Variants in RABGAP1L observed in about 807,000 individuals in gnomAD.
The protein encoded by RABGAP1L is rab GTPase-activating protein 1-like.
RABGAP1L carries 63 observed loss-of-function variants against 137.7 expected under a neutral mutation model. That is an observed-to-expected ratio of 0.46 (90% CI 0.37 to 0.56). The LOEUF (loss-of-function observed/expected upper bound fraction) is 0.56. Among genes scored for constraint, RABGAP1L ranks in the 20% least tolerant of loss-of-function variants. RABGAP1L has a pLI of 0.00. For missense variants in RABGAP1L, 1,095 were observed against 1,244.0 expected, an observed-to-expected ratio of 0.88 and a Z score of 1.80; for synonymous variants, 431 against 433.7, an observed-to-expected ratio of 0.99 and a Z score of 0.08.
intron 13 of RABGAP1L, among the ~76,000 whole-genome samples, chr1:174,419,501 A>G (rs4652422): frequency 0.35 from 53,169 of 151,764 alleles, 11,853 homozygotes; most frequent in African/African-American, 0.63. Flanking sequence ...AATGTACACT[A>G]TATCTTACTA....
At chr1:174,772,863 C>T (rs1037125491) in intron 18 of RABGAP1L, among the ~76,000 whole-genome samples, 1 of 152,096 alleles carries the variant, frequency 6.6e-6, no homozygotes, top group Non-Finnish European at 1.5e-5. Context: ...GCATATTTCA[C>T]TTAGCATAGT....
chr1:174,233,121 T>C (rs904141795), intron 4 of RABGAP1L, among the ~76,000 whole-genome samples: 3 of 152,178 alleles, frequency 2.0e-5, no homozygotes, highest in Admixed American at 2.0e-4. Context: ...GTTTCTTTTA[T>C]AAGGATACTA....
intron 13 of RABGAP1L, among the ~76,000 whole-genome samples, chr1:174,568,995 A>T (rs777748538): frequency 6.6e-6 from 1 of 152,306 alleles, no homozygotes; most frequent in East Asian, 1.9e-4. Flanking sequence ...GATTACTACC[A>T]TTTCATGTTC....
chr1:174,988,169 T>C (rs543424580), intron 24 of RABGAP1L, among the ~76,000 whole-genome samples: 1 of 152,340 alleles, frequency 6.6e-6, no homozygotes, highest in East Asian at 1.9e-4. Context: ...ACAGGACATG[T>C]GCTTTGTTGC....
chr1:174,344,408 A>G lies in RABGAP1L; in HGVS notation c.1466-26571A>G, dbSNP rs192711072. On this transcript the variant is annotated intron_variant, in intron 11 of 25. Transcript: ENST00000681986. ...GTTGTAGAAGGTCTGCGGCTACACA[A>G]AGTCTACTTCTTTAGGGACCTTGTG... is the stretch of plus-strand genomic sequence containing the variant. Among the ~76,000 whole-genome samples, 292 of 152,262 alleles carry G rather than the reference A, an allele frequency of 1.9e-3. 3 individuals carry two copies. The highest frequency in any genetic ancestry group is 6.9e-3 in the African/African-American group (286 of 41,552).
In RABGAP1L at chr1:174,175,665, G is replaced by A. The variant is rs556567344; in HGVS notation, c.-34+16008G>A. On this transcript the variant is annotated intron_variant, in intron 1 of 25. Coordinates refer to ENST00000681986, the MANE Select transcript of RABGAP1L (RefSeq NM_001366446.1). ...TTTTGAGACGGAGTCTTGCTCAGTT[G>A]CCCAGGCTGGAGTGCAATGGTGCGA... 9.9e-5 allele frequency among the ~76,000 whole-genome samples: 13 copies of A among 131,628 alleles called. No homozygotes were observed. The Admixed American group carries it at 1.0e-3, about 10-fold the overall frequency. The allele number at this position is 131,628 out of a possible 152,430, so 86.4% of individuals were successfully genotyped here.
chr1:174,293,396 A>T (rs916249133), intron 10 of RABGAP1L, among the ~76,000 whole-genome samples: 1 of 152,160 alleles, frequency 6.6e-6, no homozygotes, highest in Non-Finnish European at 1.5e-5. Context: ...GTTATTTGAA[A>T]ACTGTTTGCC....
At chr1:174,741,766 T>G (rs780280924) in intron 17 of RABGAP1L, among the ~76,000 whole-genome samples, 9 of 150,856 alleles carry the variant, frequency 6.0e-5, no homozygotes, top group Non-Finnish European at 1.0e-4. Context: ...GTGGCTACTT[T>G]TATACCATGT....
intron 7 of RABGAP1L, among the ~76,000 whole-genome samples, chr1:174,268,168 T>C (rs1441329440): frequency 6.6e-6 from 1 of 152,170 alleles, no homozygotes; most frequent in African/African-American, 2.4e-5. Flanking sequence ...TTTGCAGTTC[T>C]GTTTTTCCCT....
rs565157885 is a variant in RABGAP1L, at chr1:174,385,581, A to G, written c.1560-8414A>G. 3.3e-5 allele frequency among the ~76,000 whole-genome samples: 5 copies of G among 152,354 alleles called. 1 individual carries two copies. In the South Asian group the frequency reaches 1.0e-3, roughly 32 times the overall value. ...TTAGATGAAGACATCATCCGAAGACATCATCCAAAGACTGCACCCTCGACC... is the reference window on the plus strand; with the variant it reads ...TTAGATGAAGACATCATCCGAAGACGTCATCCAAAGACTGCACCCTCGACC... On this transcript the variant is annotated intron_variant, in intron 12 of 25. Coordinates refer to ENST00000681986, the MANE Select transcript of RABGAP1L (RefSeq NM_001366446.1).
intron 18 of RABGAP1L, among the ~76,000 whole-genome samples, chr1:174,763,511 C>T (rs1397706087): frequency 1.3e-5 from 2 of 151,360 alleles, no homozygotes; most frequent in African/African-American, 2.4e-5. Context: ...ATTAGCCGGG[C>T]GTGGTAGCGG....
intron 12 of RABGAP1L, among the ~76,000 whole-genome samples, chr1:174,376,841 T>G (rs1179948610): frequency 6.6e-6 from 1 of 152,034 alleles, no homozygotes; most frequent in East Asian, 1.9e-4. Context: ...GTACTAGAGG[T>G]CTTAGCAAGT....
At chr1:174,558,995 T>C (rs2148010457) in intron 13 of RABGAP1L, among the ~76,000 whole-genome samples, 1 of 152,308 alleles carries the variant, frequency 6.6e-6, no homozygotes, top group South Asian at 2.1e-4. Flanking sequence ...ATAGTTTTAT[T>C]GTCAGAGTAA....
At position 174,785,125 on chromosome 1, in the gene RABGAP1L, C is replaced by T. The variant is rs539627911; in HGVS notation, c.2212-26707C>T. ...TGTTGCCCAGGCTGGAGTACAATGG[C>T]GCAATCTCGGCTCACTGCAACCTCT... On this transcript the variant is annotated intron_variant, in intron 18 of 25. Transcript: ENST00000681986. 9.2e-5 allele frequency among the ~76,000 whole-genome samples: 14 copies of T among 152,188 alleles called. No individual in the cohort carries two copies. The East Asian group carries it at 9.7e-4, about 10-fold the overall frequency.
intron 17 of RABGAP1L, among the ~76,000 whole-genome samples, chr1:174,716,270 A>G (rs1190312469): frequency 6.6e-6 from 1 of 152,180 alleles, no homozygotes; most frequent in African/African-American, 2.4e-5. Context: ...ATTTAGTAGT[A>G]GTAGTATTTT....
chr1:174,897,422 A>C (rs1657391614), intron 19 of RABGAP1L: 1 of 152,218 alleles, frequency 6.6e-6, no homozygotes, highest in African/African-American at 2.4e-5. Context: ...AATCATTGTT[A>C]ATTCATACTG....
At chr1:174,573,515 T>C (rs1668147691) in intron 13 of RABGAP1L, among the ~76,000 whole-genome samples, 1 of 152,140 alleles carries the variant, frequency 6.6e-6, no homozygotes. Flanking sequence ...AAAATATTAA[T>C]GATTACTGCC....
chr1:174,792,022 G>A (rs1328727996), intron 18 of RABGAP1L, among the ~76,000 whole-genome samples: 2 of 152,310 alleles, frequency 1.3e-5, no homozygotes, highest in African/African-American at 2.4e-5. Context: ...AATAAGATAG[G>A]TTCTTTATGG....
chr1:174,748,665 G>A (rs1038641086), intron 17 of RABGAP1L, among the ~76,000 whole-genome samples: 1 of 151,740 alleles, frequency 6.6e-6, no homozygotes, highest in African/African-American at 2.4e-5. Flanking sequence ...GAGGCCAGGA[G>A]TTCAAGAATA....
Sources: allele counts gnomAD v4.1 joint callset (sites outside exome capture counted in the v4.1 genomes callset), GRCh38; gene constraint gnomAD v4.1.1; transcripts MANE v1.5; gene names NCBI Gene and HGNC (gene_info 2026-07-23, HGNC 2026-07-21).